Variants in UNC5C observed in about 807,000 individuals in gnomAD.
The protein encoded by UNC5C is netrin receptor UNC5C.
In UNC5C, 47 loss-of-function variants were observed where a neutral mutation model predicts 99.8. The ratio of observed to expected loss-of-function variants is 0.47; its 90% CI spans 0.37 to 0.60. The LOEUF is 0.60. UNC5C is among the 20% of genes least tolerant of loss of function. UNC5C has a pLI of 0.00. For synonymous variants in UNC5C, 487 were observed against 452.2 expected, an observed-to-expected ratio of 1.08 and a Z score of -0.98; for missense variants, 1,062 against 1,165.9, an observed-to-expected ratio of 0.91 and a Z score of 1.30.
chr4:95,380,870 A>G (rs555493347), intron 1 of UNC5C, among the ~76,000 whole-genome samples: 1 of 152,278 alleles, frequency 6.6e-6, no homozygotes, highest in East Asian at 1.9e-4. Flanking sequence ...CTCATTACAG[A>G]AAGGATGGCT....
intron 1 of UNC5C, among the ~76,000 whole-genome samples, chr4:95,487,220 T>C (rs1266962790): frequency 6.6e-6 from 1 of 151,842 alleles, no homozygotes; most frequent in Non-Finnish European, 1.5e-5. Context: ...ACATTTGATT[T>C]GGGATCCTTG....
Position 95,278,487 on chromosome 4 carries a change from T to C in UNC5C, c.491-125A>G, listed in dbSNP as rs1487576654. The C allele has an allele frequency of 4.2e-6, 3 of 712,336 alleles. No individual in the cohort carries two copies. The East Asian group carries it at 8.1e-5, about 19-fold the overall frequency. 44.1% of individuals were successfully genotyped at this position (712,336 alleles called of 1,614,324 possible). ...TTTTTTTTCTTTCTTTTTTCTTTTTTTTTTTGAGACAGGGTCTCACTCTGT... is the reference window on the plus strand; with the variant it reads ...TTTTTTTTCTTTCTTTTTTCTTTTTCTTTTTGAGACAGGGTCTCACTCTGT... On this transcript the variant is annotated intron_variant, in intron 3 of 15. Transcript: ENST00000453304.
chr4:95,251,115 A>G (rs1739706020), intron 4 of UNC5C, among the ~76,000 whole-genome samples: 1 of 152,260 alleles, frequency 6.6e-6, no homozygotes, highest in African/African-American at 2.4e-5. Context: ...AGAAAAGAAT[A>G]GAAAGACTAT....
At chr4:95,288,324 C>T (rs749504175) in intron 3 of UNC5C, among the ~76,000 whole-genome samples, 8 of 151,998 alleles carry the variant, frequency 5.3e-5, no homozygotes, top group East Asian at 1.9e-4. Flanking sequence ...ACCTTGTGAT[C>T]CGCCTGCCTC....
At chr4:95,261,036 C>T (rs913633982) in intron 4 of UNC5C, among the ~76,000 whole-genome samples, 2 of 152,122 alleles carry the variant, frequency 1.3e-5, no homozygotes, top group African/African-American at 4.8e-5. Flanking sequence ...AAATTCAGGA[C>T]CGCCTGAGCT....
chr4:95,454,656 G>A (rs2149468664), intron 1 of UNC5C, among the ~76,000 whole-genome samples: 1 of 152,124 alleles, frequency 6.6e-6, no homozygotes, highest in Admixed American at 6.6e-5. Flanking sequence ...ATGATACACT[G>A]AGGAAGAGGT....
intron 1 of UNC5C, among the ~76,000 whole-genome samples, chr4:95,541,429 C>G (rs1222918135): frequency 2.0e-5 from 3 of 151,968 alleles, no homozygotes; most frequent in Non-Finnish European, 4.4e-5. Context: ...CATTGGGGGT[C>G]TTGGAAAGTA....
intron 2 of UNC5C, among the ~76,000 whole-genome samples, chr4:95,310,479 G>T (rs995390438): frequency 6.6e-6 from 1 of 152,040 alleles, no homozygotes; most frequent in Non-Finnish European, 1.5e-5. Context: ...ATGAGGTGAT[G>T]TATATGTTAA....
chr4:95,298,185 G>A (rs750652962), intron 3 of UNC5C, among the ~76,000 whole-genome samples: 18 of 152,128 alleles, frequency 1.2e-4, no homozygotes, highest in Non-Finnish European at 1.9e-4. Context: ...GGCGGCACAT[G>A]CCTGTAGTCC....
intron 14 of UNC5C, among the ~76,000 whole-genome samples, chr4:95,180,823 A>G (rs937860001): frequency 2.6e-5 from 4 of 152,214 alleles, no homozygotes; most frequent in Non-Finnish European, 5.9e-5. Context: ...CCTCATTGCC[A>G]TCTTGCCCTG....
chr4:95,482,945 C>T (rs2149478607), intron 1 of UNC5C, among the ~76,000 whole-genome samples: 1 of 140,172 alleles, frequency 7.1e-6, no homozygotes, highest in South Asian at 2.3e-4. Context: ...ACCAGCATGG[C>T]ACATGTATAC....
chr4:95,206,036 T>G (rs1737863636), intron 11 of UNC5C, among the ~76,000 whole-genome samples: 1 of 151,556 alleles, frequency 6.6e-6, no homozygotes, highest in Admixed American at 6.6e-5. Flanking sequence ...AATCTTACTC[T>G]GTTGCCCAAG....
chr4:95,320,578 C>T (rs917219166), intron 2 of UNC5C, among the ~76,000 whole-genome samples: 2 of 152,182 alleles, frequency 1.3e-5, no homozygotes, highest in Non-Finnish European at 2.9e-5. Flanking sequence ...AAAACTCAGG[C>T]CACAGCATAT....
At position 95,454,267 on chromosome 4, in the gene UNC5C, CTT is replaced by C. The variant is rs1172092729; in HGVS notation, c.124+94465_124+94466del. ...GCAAAAATTTAGAGTCAATCAGACTCTTCACTCTGATTTTCTGTTTCTTATTC... is the reference window on the plus strand; with the variant it reads ...GCAAAAATTTAGAGTCAATCAGACTCCACTCTGATTTTCTGTTTCTTATTC... On this transcript the variant is annotated intron_variant, in intron 1 of 15. Coordinates refer to ENST00000453304, the MANE Select transcript of UNC5C (RefSeq NM_003728.4). Among the ~76,000 whole-genome samples the C allele has an allele frequency of 1.0e-4, 15 of 144,086 alleles. 1 individual carries two copies. The East Asian group carries it at 3.3e-3, about 32-fold the overall frequency. 94.5% of individuals were successfully genotyped at this position (144,086 alleles called of 152,430 possible). A position where few individuals can be genotyped will look rare whatever the true frequency, so the allele number is the denominator to read the frequency against.
intron 1 of UNC5C, among the ~76,000 whole-genome samples, chr4:95,394,430 C>T (rs6854942): frequency 0.077 from 11,678 of 152,218 alleles, 662 homozygotes; most frequent in African/African-American, 0.15. Context: ...CCCACCCTAA[C>T]TGCCAAAGGG....
At chr4:95,194,753 T>G (rs1409023777) in intron 12 of UNC5C, among the ~76,000 whole-genome samples, 1 of 152,224 alleles carries the variant, frequency 6.6e-6, no homozygotes, top group Non-Finnish European at 1.5e-5. Context: ...AAGACTGTTT[T>G]GCCATGTAGG....
chr4:95,399,955 T>A (rs181520601), intron 1 of UNC5C, among the ~76,000 whole-genome samples: 23 of 152,322 alleles, frequency 1.5e-4, no homozygotes, highest in African/African-American at 4.8e-4. Flanking sequence ...TTACCCCTAA[T>A]TGAGCACAAT....
chr4:95,200,942 G>A, intron 12 of UNC5C, among the ~76,000 whole-genome samples: 1 of 152,006 alleles, frequency 6.6e-6, no homozygotes, highest in African/African-American at 2.4e-5. Flanking sequence ...GAGGTGATTA[G>A]GTCATAAAGG....
chr4:95,412,378 A>G (rs993898468), intron 1 of UNC5C, among the ~76,000 whole-genome samples: 2 of 152,242 alleles, frequency 1.3e-5, no homozygotes, highest in Middle Eastern at 6.8e-3. Context: ...GGAGGTTTCC[A>G]AGGACCCTGC....
Sources: gnomAD v4.1 joint callset for allele counts (sites outside exome capture counted in the v4.1 genomes callset) on GRCh38, gnomAD v4.1.1 for gene constraint, MANE v1.5 for transcripts, NCBI Gene and HGNC (gene_info 2026-07-23, HGNC 2026-07-21) for gene names.